Variants in SNTG1 observed in about 807,000 individuals in gnomAD.
SNTG1 encodes gamma-1-syntrophin.
SNTG1 carries 39 observed loss-of-function variants against 74.7 expected under a neutral mutation model. The ratio of observed to expected loss-of-function variants is 0.52; its 90% confidence interval spans 0.40 to 0.68. The LOEUF (loss-of-function observed/expected upper bound fraction) is 0.68. SNTG1 is among the 30% of genes least tolerant of loss of function. The probability of loss-of-function intolerance (pLI) is 0.00; values close to 1 mark genes in which losing one functional copy is unlikely to be tolerated. For missense variants in SNTG1, 685 were observed against 609.5 expected, an observed-to-expected ratio of 1.12 and a Z score of -1.30; for synonymous variants, 254 against 217.1, an observed-to-expected ratio of 1.17 and a Z score of -1.49.
At position 50,743,399 on chromosome 8, in the gene SNTG1, T is replaced by C. The variant is rs76452571; in HGVS notation, c.1285-8602T>C. Among the ~76,000 whole-genome samples, 509 of 151,894 alleles carry C rather than the reference T, an allele frequency of 3.4e-3. 1 individual carries two copies. Among genetic ancestry groups the C allele is most frequent in the Non-Finnish European group, 5.7e-3 (390 of 67,896 alleles). On this transcript the variant is annotated intron_variant, in intron 17 of 18. Coordinates refer to ENST00000642720, the MANE Select transcript of SNTG1 (RefSeq NM_018967.5). ...ACACCTTAATAGAATGAAGTTTAAA[T>C]AAAAATACAAGAATCTTCTCAATTA...
intron 12 of SNTG1, among the ~76,000 whole-genome samples, chr8:50,569,621 T>C (rs2094535958): frequency 1.3e-5 from 2 of 152,114 alleles, no homozygotes; most frequent in South Asian, 4.1e-4. Flanking sequence ...TTGAAAATCA[T>C]GATGGAATAA....
intron 15 of SNTG1, 61 bp downstream of exon 15, chr8:50,658,724 C>A: frequency 1.8e-6 from 2 of 1,087,522 alleles, no homozygotes; most frequent in African/African-American, 1.6e-5. Flanking sequence ...TGCCTCTGGG[C>A]TCATAAGCAG....
chr8:50,600,963 A>T (rs1000139110), intron 13 of SNTG1, among the ~76,000 whole-genome samples: 12 of 151,464 alleles, frequency 7.9e-5, no homozygotes, highest in Non-Finnish European at 1.2e-4. Flanking sequence ...AGGTCAAGAG[A>T]TTGAGACCAT....
intron 12 of SNTG1, among the ~76,000 whole-genome samples, chr8:50,577,672 G>A (rs1343391209): frequency 1.3e-5 from 2 of 152,014 alleles, no homozygotes; most frequent in Non-Finnish European, 2.9e-5. Context: ...TTATATGTTG[G>A]CAAAGCAAGA....
intron 2 of SNTG1, among the ~76,000 whole-genome samples, chr8:50,187,482 A>G (rs1174541502): frequency 6.6e-6 from 1 of 152,182 alleles, no homozygotes; most frequent in Admixed American, 6.5e-5. Flanking sequence ...AGCTGAAACA[A>G]GAAAATGTTA....
chr8:49,990,770 C>T (rs1813606777), intron 1 of SNTG1, among the ~76,000 whole-genome samples: 3 of 152,006 alleles, frequency 2.0e-5, no homozygotes. Flanking sequence ...TTGACTCCTT[C>T]CCCACATAAC....
chr8:50,063,745 A>T (rs868011284), intron 1 of SNTG1, among the ~76,000 whole-genome samples: 8 of 152,124 alleles, frequency 5.3e-5, no homozygotes, highest in Middle Eastern at 3.4e-3. Flanking sequence ...GCTTTTTTTT[A>T]AAAATATAAA....
At chr8:50,523,060 G>T (rs1400455359) in intron 9 of SNTG1, among the ~76,000 whole-genome samples, 4 of 152,098 alleles carry the variant, frequency 2.6e-5, no homozygotes, top group Non-Finnish European at 4.4e-5. Flanking sequence ...TATATATGGT[G>T]ACAGTATCTT....
intron 15 of SNTG1, among the ~76,000 whole-genome samples, chr8:50,666,619 T>C (rs538870874): frequency 1.3e-5 from 2 of 152,164 alleles, no homozygotes; most frequent in African/African-American, 4.8e-5. Flanking sequence ...TAAATAGAAA[T>C]GCAAAACAAG....
At chr8:50,785,475 A>T (rs142509035) in intron 18 of SNTG1, among the ~76,000 whole-genome samples, 1 of 152,166 alleles carries the variant, frequency 6.6e-6, no homozygotes, top group East Asian at 1.9e-4. Flanking sequence ...CTCAAAGATA[A>T]ATCAATAATT....
At chr8:50,265,792 T>A (rs972216662) in intron 2 of SNTG1, among the ~76,000 whole-genome samples, 3 of 151,914 alleles carry the variant, frequency 2.0e-5, no homozygotes, top group African/African-American at 7.3e-5. Context: ...TTTTATAAAG[T>A]AGTGATGAAA....
At chr8:50,557,071 T>C (rs532332590) in intron 12 of SNTG1, among the ~76,000 whole-genome samples, 3 of 152,154 alleles carry the variant, frequency 2.0e-5, no homozygotes, top group Admixed American at 1.3e-4. Context: ...TTACTTCTTA[T>C]TATAACCTTG....
chr8:50,337,372 T>C (rs904892576), intron 2 of SNTG1, among the ~76,000 whole-genome samples: 1 of 152,184 alleles, frequency 6.6e-6, no homozygotes, highest in Non-Finnish European at 1.5e-5. Flanking sequence ...AAGTTAAATC[T>C]CCTAGAGGTC....
intron 1 of SNTG1, among the ~76,000 whole-genome samples, chr8:50,093,615 G>C (rs1320236322): frequency 1.3e-5 from 2 of 151,980 alleles, no homozygotes; most frequent in Non-Finnish European, 2.9e-5. Flanking sequence ...GAAAACATCA[G>C]GCACAAAGAT....
chr8:50,145,831 ATAAT>A (rs1318834297), intron 1 of SNTG1, among the ~76,000 whole-genome samples: 1 of 151,844 alleles, frequency 6.6e-6, no homozygotes, highest in Non-Finnish European at 1.5e-5. Context: ...ATATTTTTGA[ATAAT>A]TAGATATCTA....
At chr8:50,188,594 C>T (rs2083463333) in intron 2 of SNTG1, among the ~76,000 whole-genome samples, 1 of 152,082 alleles carries the variant, frequency 6.6e-6, no homozygotes, top group Non-Finnish European at 1.5e-5. Flanking sequence ...GAGCCATGCA[C>T]ATTTGGGACA....
At chr8:49,978,740 A>G (rs1280185746) in intron 1 of SNTG1, among the ~76,000 whole-genome samples, 4 of 152,336 alleles carry the variant, frequency 2.6e-5, no homozygotes, top group Admixed American at 2.0e-4. Context: ...TGAGTTGGGC[A>G]GTTACTTGTT....
At chr8:50,382,440 C>T (rs988664760) in intron 2 of SNTG1, among the ~76,000 whole-genome samples, 2 of 151,778 alleles carry the variant, frequency 1.3e-5, no homozygotes, top group Admixed American at 6.6e-5. Flanking sequence ...ATACAAGAGA[C>T]GAAATCCAAA....
chr8:50,250,031 ACTC>A (rs1442648867), intron 2 of SNTG1, among the ~76,000 whole-genome samples: 1 of 151,968 alleles, frequency 6.6e-6, no homozygotes, highest in Non-Finnish European at 1.5e-5. Context: ...TTTCAAGAAA[ACTC>A]AGGGAGATAT....
Sources: gnomAD v4.1 joint callset for allele counts (sites outside exome capture counted in the v4.1 genomes callset) on GRCh38, gnomAD v4.1.1 for gene constraint, MANE v1.5 for transcripts, NCBI Gene and HGNC (gene_info 2026-07-23, HGNC 2026-07-21) for gene names.